LIMS1: variants seen among roughly 807,000 people sequenced by gnomAD.
LIMS1 encodes the protein LIM zinc finger domain containing 1, also known as LIM and senescent cell antigen-like-containing domain protein 1.
LIMS1 carries 18 observed loss-of-function variants against 44.1 expected under a neutral mutation model. The ratio of observed to expected loss-of-function variants is 0.41; its 90% CI spans 0.28 to 0.61. LIMS1 has a LOEUF of 0.61. Ranked by LOEUF, LIMS1 falls within the 20% of genes least tolerant of loss-of-function variation. The pLI is 0.32. For synonymous variants in LIMS1, 93 were observed against 149.1 expected (o/e 0.62, Z 2.74); for missense variants, 201 against 422.0 (o/e 0.48, Z 4.59).
chr2:108,686,460 G>A (rs997866923), exon 10 of LIMS1: 1 of 151,536 alleles, frequency 6.6e-6, no homozygotes, highest in Admixed American at 6.6e-5. Flanking sequence ...AGGTATAGGA[G>A]AAGAGGAAGA....
At chr2:108,551,863 A>G (rs1364415336) in intron 1 of LIMS1, among the ~76,000 whole-genome samples, 3 of 146,218 alleles carry the variant, frequency 2.1e-5, no homozygotes, top group Non-Finnish European at 4.5e-5. Context: ...TATGTAGTAT[A>G]TATGTATACA....
rs374840927 is a variant in LIMS1 at position 108,606,793 on chromosome 2, A to T, written c.33-52812A>T. Reference sequence around the variant, plus strand: ...GGGAATATTGTGGGAGTCCTATGTGAGGAGAGAGGCTGGAGGTTCATCCAC... The same window carrying T: ...GGGAATATTGTGGGAGTCCTATGTGTGGAGAGAGGCTGGAGGTTCATCCAC... On this transcript the variant is annotated intron_variant, in intron 1 of 9. Coordinates refer to ENST00000544547, the Ensembl canonical transcript of LIMS1. Among the ~76,000 whole-genome samples the T allele has an allele frequency of 3.9e-5, 6 of 152,354 alleles. 1 individual carries two copies. The East Asian group carries it at 5.8e-4, about 15-fold the overall frequency.
intron 2 of LIMS1, chr2:108,660,189 T>A (rs547394054): frequency 2.1e-6 from 1 of 479,640 alleles, no homozygotes; most frequent in Admixed American, 2.3e-5. Context: ...GAGCGTGTGG[T>A]GTACGTCACC....
chr2:108,558,890 C>T (rs534047154), intron 1 of LIMS1, among the ~76,000 whole-genome samples: 83 of 151,966 alleles, frequency 5.5e-4, no homozygotes, highest in African/African-American at 2.0e-3. Flanking sequence ...AGGCTGGTCC[C>T]AAACTCCTGA....
At chr2:108,675,824 T>C (rs7584953) in intron 5 of LIMS1, 54 bp from the exon 6 acceptor site, 1,382,377 of 1,608,862 alleles carry the variant, frequency 0.86, 595,808 homozygotes, top group East Asian at 0.98. Flanking sequence ...CTAGCCCCAT[T>C]GGTTGGCCAC....
chr2:108,601,728 G>C (rs904607865), intron 1 of LIMS1, among the ~76,000 whole-genome samples: 12 of 152,200 alleles, frequency 7.9e-5, no homozygotes, highest in Non-Finnish European at 1.6e-4. Context: ...TGTTGGCCAG[G>C]CTGGTCTCGA....
chr2:108,621,280 G>A (rs923881523), intron 1 of LIMS1: 2 of 1,535,340 alleles, frequency 1.3e-6, no homozygotes, highest in Non-Finnish European at 1.8e-6. Context: ...GGCAAGGGAC[G>A]CTGCTTTCCC....
intron 1 of LIMS1, among the ~76,000 whole-genome samples, chr2:108,548,890 T>C (rs149122634): frequency 6.6e-6 from 1 of 152,354 alleles, no homozygotes; most frequent in East Asian, 1.9e-4. Flanking sequence ...TGTTTTGCAC[T>C]GTCATGCTTT....
At chr2:108,618,598 G>A (rs182167084) in intron 1 of LIMS1, among the ~76,000 whole-genome samples, 2 of 152,078 alleles carry the variant, frequency 1.3e-5, no homozygotes, top group Admixed American at 6.5e-5. Flanking sequence ...AGGCTGAGGC[G>A]GGCAGATCAC....
chr2:108,638,688 G>A (rs1345248681), intron 1 of LIMS1, among the ~76,000 whole-genome samples: 4 of 151,652 alleles, frequency 2.6e-5, no homozygotes, highest in Admixed American at 1.3e-4. Context: ...TCGAGGTTGC[G>A]GTGAGTCAAA....
At chr2:108,592,267 C>G (rs926482504) in intron 1 of LIMS1, among the ~76,000 whole-genome samples, 1 of 152,094 alleles carries the variant, frequency 6.6e-6, no homozygotes, top group Non-Finnish European at 1.5e-5. Flanking sequence ...AGAACAGTTA[C>G]AGGATGAAAT....
At chr2:108,599,207 C>G (rs1686872125) in intron 1 of LIMS1, among the ~76,000 whole-genome samples, 1 of 152,168 alleles carries the variant, frequency 6.6e-6, no homozygotes, top group Non-Finnish European at 1.5e-5. Flanking sequence ...TTCACAGCCT[C>G]TGGTAATCAT....
chr2:108,600,977 A>G (rs112266904), intron 1 of LIMS1, among the ~76,000 whole-genome samples: 3,158 of 148,212 alleles, frequency 0.021, 47 homozygotes, highest in Non-Finnish European at 0.033. Flanking sequence ...TCTGTCACCC[A>G]GGCTGGAGTG....
chr2:108,566,352 C>G (rs1320346753), intron 1 of LIMS1, among the ~76,000 whole-genome samples: 1 of 152,186 alleles, frequency 6.6e-6, no homozygotes, highest in East Asian at 1.9e-4. Flanking sequence ...AGGAATCCAG[C>G]TGTGAGTGTC....
rs2148956007 is a variant in LIMS1, at chr2:108,655,566, C to T, written c.33-4039C>T. ...CTAACTGCATTTTCATCATGTCGTC[C>T]GCAAGGGAGGCTTAGTGTTGTCATT... is the stretch of plus-strand genomic sequence containing the variant. On this transcript the variant is annotated intron_variant, in intron 1 of 9. Coordinates refer to ENST00000544547, the Ensembl canonical transcript of LIMS1. Among the ~76,000 whole-genome samples the T allele has an allele frequency of 6.3e-5, 2 of 31,648 alleles. 1 individual carries two copies. Among genetic ancestry groups the T allele is most frequent in the South Asian group, 6.8e-3 (2 of 296 alleles). 20.8% of individuals were successfully genotyped at this position (31,648 alleles called of 152,430 possible).
At chr2:108,577,325 T>C (rs1298931538) in intron 1 of LIMS1, among the ~76,000 whole-genome samples, 1 of 152,244 alleles carries the variant, frequency 6.6e-6, no homozygotes, top group Non-Finnish European at 1.5e-5. Context: ...AGGCCTTTCT[T>C]GCTGCTGCTG....
At chr2:108,604,878 G>T (rs1466989312) in intron 1 of LIMS1, among the ~76,000 whole-genome samples, 1 of 152,218 alleles carries the variant, frequency 6.6e-6, no homozygotes, top group South Asian at 2.1e-4. Flanking sequence ...CTGCAGGAAG[G>T]ATTGATGGGT....
intron 1 of LIMS1, among the ~76,000 whole-genome samples, chr2:108,631,066 T>G (rs1688892792): frequency 6.6e-6 from 1 of 152,224 alleles, no homozygotes; most frequent in Admixed American, 6.5e-5. Context: ...GAAGTTGGCT[T>G]ACAGAGTGTG....
intron 1 of LIMS1, among the ~76,000 whole-genome samples, chr2:108,542,512 G>T (rs1232695623): frequency 6.6e-6 from 1 of 152,176 alleles, no homozygotes; most frequent in African/African-American, 2.4e-5. Context: ...GCCCTGTAGA[G>T]CCCTGTGTCT....
Sources: allele counts gnomAD v4.1 joint callset (sites outside exome capture counted in the v4.1 genomes callset), GRCh38; gene constraint gnomAD v4.1.1; transcripts MANE v1.5; gene names NCBI Gene and HGNC (gene_info 2026-07-23, HGNC 2026-07-21).